KHDRBS2: variants seen among roughly 807,000 people sequenced by gnomAD.
The protein encoded by KHDRBS2 is KH RNA binding domain containing, signal transduction associated 2, also known as KH domain-containing, RNA-binding, signal transduction-associated protein 2.
Under a neutral mutation model 44.3 loss-of-function variants are expected in KHDRBS2, and 26 were observed. That is an observed-to-expected ratio of 0.59 (90% CI 0.43 to 0.81). The LOEUF (loss-of-function observed/expected upper bound fraction) is 0.81. KHDRBS2 is among the 40% of genes least tolerant of loss of function. The pLI, the probability that KHDRBS2 is intolerant of heterozygous loss-of-function variation, is 0.00. For synonymous variants in KHDRBS2, 194 were observed against 151.1 expected (o/e 1.28, Z -2.08); for missense variants, 476 against 433.1 (o/e 1.10, Z -0.88).
chr6:61,653,527 G>T, the KHDRBS2 span, among the ~76,000 whole-genome samples: 3 of 152,044 alleles, frequency 2.0e-5, no homozygotes, highest in African/African-American at 7.2e-5. Flanking sequence ...ATTTCTAGGT[G>T]CCAAGGAAGT....
intron 2 of KHDRBS2, among the ~76,000 whole-genome samples, chr6:62,124,692 T>C (rs1370186196): frequency 6.6e-6 from 1 of 152,028 alleles, no homozygotes; most frequent in Non-Finnish European, 1.5e-5. Context: ...AATAATAATA[T>C]GATAAATACA....
chr6:61,846,559 G>A (rs1193382515), intron 6 of KHDRBS2, among the ~76,000 whole-genome samples: 1 of 152,056 alleles, frequency 6.6e-6, no homozygotes, highest in African/African-American at 2.4e-5. Context: ...TTTCCATTGA[G>A]AAAGAAGAGT....
intron 3 of KHDRBS2, among the ~76,000 whole-genome samples, chr6:62,028,120 T>C (rs1350717055): frequency 6.6e-6 from 1 of 152,010 alleles, no homozygotes; most frequent in African/African-American, 2.4e-5. Flanking sequence ...CAGAATTGAG[T>C]TGAATTGTAG....
chr6:61,568,808 G>C, the KHDRBS2 span, among the ~76,000 whole-genome samples: 82 of 152,318 alleles, frequency 5.4e-4, 1 homozygote, highest in African/African-American at 1.9e-3. Context: ...ATCTCTCACA[G>C]GGGCCCTCAG....
At chr6:61,747,846 T>C (rs552676779) in intron 6 of KHDRBS2, among the ~76,000 whole-genome samples, 1 of 152,208 alleles carries the variant, frequency 6.6e-6, no homozygotes, top group Non-Finnish European at 1.5e-5. Flanking sequence ...GAATTACCAA[T>C]TTTATTTTCC....
At chr6:61,705,502 A>C (rs1342254238) in intron 7 of KHDRBS2, among the ~76,000 whole-genome samples, 1 of 151,830 alleles carries the variant, frequency 6.6e-6, no homozygotes, top group East Asian at 1.9e-4. Flanking sequence ...CAGAAAAGAA[A>C]ATTTATTTTT....
At chr6:61,732,358 A>G (rs1774613867) in intron 7 of KHDRBS2, among the ~76,000 whole-genome samples, 1 of 152,072 alleles carries the variant, frequency 6.6e-6, no homozygotes. Context: ...AAAAAGCTAC[A>G]TTGAACAAGT....
At chr6:61,576,588 T>C in the KHDRBS2 span, among the ~76,000 whole-genome samples, 1 of 152,150 alleles carries the variant, frequency 6.6e-6, no homozygotes, top group African/African-American at 2.4e-5. Flanking sequence ...AGATGTTTTG[T>C]TCACAAATTT....
chr6:61,683,609 A>T lies in KHDRBS2; in HGVS notation c.953-2549T>A, dbSNP rs562465499. On this transcript the variant is annotated intron_variant, in intron 8 of 8. Transcript: ENST00000281156. ...AAAAAACTCTTTAATTAGAAATCTT[A>T]TATATTTGTTATAGAGTTAAAGATC... is the stretch of plus-strand genomic sequence containing the variant. 2.0e-5 allele frequency among the ~76,000 whole-genome samples: 3 copies of T among 152,042 alleles called. No homozygotes were observed. The South Asian group carries it at 6.2e-4, about 31-fold the overall frequency.
intron 6 of KHDRBS2, among the ~76,000 whole-genome samples, chr6:61,734,231 A>G (rs1257078580): frequency 6.6e-6 from 1 of 152,128 alleles, no homozygotes; most frequent in African/African-American, 2.4e-5. Context: ...GCTCTGCAGT[A>G]TGAAATAGTT....
intron 6 of KHDRBS2, among the ~76,000 whole-genome samples, chr6:61,804,368 C>T (rs1582924931): frequency 6.6e-6 from 1 of 152,200 alleles, no homozygotes. Context: ...TACAACCCCC[C>T]TCCCAGCTGT....
At position 62,061,473 on chromosome 6, in the gene KHDRBS2, C is replaced by A. The variant is rs1231772194; in HGVS notation, c.220-13479G>T. Reference sequence around the variant, plus strand: ...GATATGAAATTCTGGGTTCAAAATTCTTTTCTTTAAGAATGTTGAATATTG... The same window carrying A: ...GATATGAAATTCTGGGTTCAAAATTATTTTCTTTAAGAATGTTGAATATTG... On this transcript the variant is annotated intron_variant, in intron 2 of 8. Transcript: ENST00000281156. 6.0e-5 allele frequency among the ~76,000 whole-genome samples: 9 copies of A among 150,834 alleles called. No homozygotes were observed. In the South Asian group the frequency reaches 8.4e-4, roughly 14 times the overall value.
At chr6:62,042,206 G>A (rs939073502) in intron 3 of KHDRBS2, among the ~76,000 whole-genome samples, 2 of 152,006 alleles carry the variant, frequency 1.3e-5, no homozygotes, top group African/African-American at 4.8e-5. Flanking sequence ...TCAAATCAGA[G>A]AAACAGGAAA....
intron 2 of KHDRBS2, among the ~76,000 whole-genome samples, chr6:62,160,709 G>A (rs981063864): frequency 6.6e-6 from 1 of 152,124 alleles, no homozygotes; most frequent in African/African-American, 2.4e-5. Context: ...TAGCTCAGTT[G>A]AGAGAAAACG....
the KHDRBS2 span, among the ~76,000 whole-genome samples, chr6:61,607,930 C>T: frequency 5.9e-5 from 9 of 152,140 alleles, no homozygotes; most frequent in African/African-American, 9.7e-5. Context: ...TCAAGTGATC[C>T]GCCTACCTTG....
At chr6:62,192,689 A>G (rs1397243778) in intron 1 of KHDRBS2, among the ~76,000 whole-genome samples, 2 of 152,174 alleles carry the variant, frequency 1.3e-5, no homozygotes, top group Non-Finnish European at 2.9e-5. Context: ...AGGTATTTAA[A>G]TATAACTGAA....
intron 2 of KHDRBS2, among the ~76,000 whole-genome samples, chr6:62,155,179 A>C (rs1048379621): frequency 1.1e-4 from 16 of 152,286 alleles, no homozygotes; most frequent in African/African-American, 3.9e-4. Context: ...TAGAGAAAAA[A>C]AATGGACAGG....
chr6:62,246,134 AT>A (rs1338542827), intron 1 of KHDRBS2, among the ~76,000 whole-genome samples: 18 of 140,878 alleles, frequency 1.3e-4, no homozygotes, highest in South Asian at 6.9e-4. Flanking sequence ...ATATATATAT[AT>A]AATCAATGTT....
chr6:61,855,151 C>T (rs1795968467), intron 6 of KHDRBS2, among the ~76,000 whole-genome samples: 1 of 151,976 alleles, frequency 6.6e-6, no homozygotes. Context: ...TTTATTGACA[C>T]CATAGGTAGG....
Sources: gnomAD v4.1 joint callset for allele counts (sites outside exome capture counted in the v4.1 genomes callset) on GRCh38, gnomAD v4.1.1 for gene constraint, MANE v1.5 for transcripts, NCBI Gene and HGNC (gene_info 2026-07-23, HGNC 2026-07-21) for gene names.